Variants in USB1 observed in about 807,000 individuals in gnomAD.
USB1 encodes U6 snRNA phosphodiesterase 1.
USB1 carries 21 observed loss-of-function variants against 29.9 expected under a neutral mutation model. The observed-to-expected ratio is 0.70, with a 90% CI of 0.50 to 1.01. The LOEUF is 1.01. Among genes scored for constraint, USB1 ranks in the 50% least tolerant of loss-of-function variants. The probability of loss-of-function intolerance (pLI) is 0.00; values close to 1 mark genes in which losing one functional copy is unlikely to be tolerated. For missense variants in USB1, 330 were observed against 347.1 expected, an observed-to-expected ratio of 0.95 and a Z score of 0.39; for synonymous variants, 143 against 134.9, an observed-to-expected ratio of 1.06 and a Z score of -0.42.
At chr16:58,004,247 C>G (rs1039149355) in intron 2 of USB1, among the ~76,000 whole-genome samples, 11 of 152,236 alleles carry the variant, frequency 7.2e-5, no homozygotes, top group African/African-American at 2.4e-4. Context: ...TGCCAAAGAT[C>G]GGTTGACTGT....
chr16:58,001,772 C>A (rs533934225), intron 1 of USB1, among the ~76,000 whole-genome samples, 191 bp downstream of exon 1: 1 of 125,890 alleles, frequency 7.9e-6, no homozygotes, highest in South Asian at 2.8e-4. Flanking sequence ...TCCAGAGTGG[C>A]CCCACCTGGC....
At chr16:58,019,492 C>T (rs1217011245) in intron 6 of USB1, among the ~76,000 whole-genome samples, 2 of 152,176 alleles carry the variant, frequency 1.3e-5, no homozygotes, top group African/African-American at 4.8e-5. Context: ...ATCCAGCCCC[C>T]AGAGTCTATC....
rs548416579 is a variant in USB1 at position 58,004,934 on chromosome 16, A to G, written c.265+2289A>G. On this transcript the variant is annotated intron_variant, in intron 2 of 6. Transcript: ENST00000219281. ...GGCTGCGCTGATATTTATTGGATAC[A>G]AGACAAAGGGTCAGGGTAAGGAGTG... Among the ~76,000 whole-genome samples the G allele has an allele frequency of 2.0e-5, 3 of 152,316 alleles. No individual in the cohort carries two copies. The South Asian group carries it at 6.2e-4, about 32-fold the overall frequency.
intron 2 of USB1, among the ~76,000 whole-genome samples, chr16:58,006,514 C>T (rs1272791621): frequency 1.3e-5 from 2 of 152,142 alleles, no homozygotes; most frequent in African/African-American, 2.4e-5. Context: ...CAAAAATTAG[C>T]TGGGCATGGT....
chr16:58,002,371 A>G, intron 1 of USB1, 108 bp from the exon 2 acceptor site: 1 of 1,546,812 alleles, frequency 6.5e-7, no homozygotes, highest in Admixed American at 1.7e-5. Flanking sequence ...GGCTGGAAAC[A>G]CACACTCAGA....
rs1963239851 is a variant in USB1 at position 58,002,395 on chromosome 16, A to G, written c.99-84A>G. The G allele has an allele frequency of 6.9e-6, 11 of 1,592,548 alleles. No homozygotes were observed. The East Asian group carries it at 2.5e-4, about 36-fold the overall frequency. The stretch of plus-strand genomic sequence containing the variant: ...CACACACTCAGAGCCACCATATATA[A>G]GGGGTTACAACTTTTGTGGTATATA... On this transcript the variant is annotated intron_variant, in intron 1 of 6. Transcript: ENST00000219281.
chr16:58,012,867 G>A (rs542058856), intron 3 of USB1: 20 of 987,322 alleles, frequency 2.0e-5, no homozygotes, highest in South Asian at 1.4e-4. Context: ...AACTGGGCAC[G>A]AGTCCCTTGC....
At chr16:58,009,741 TAATAAATA>T (rs112095354) in intron 2 of USB1, among the ~76,000 whole-genome samples, 180 bp from the exon 3 acceptor site, 24 of 149,972 alleles carry the variant, frequency 1.6e-4, no homozygotes, top group Non-Finnish European at 2.4e-4. Context: ...AAAAAAATAA[TAATAAATA>T]AATAAATAAA....
At position 58,001,516 on chromosome 16, in the gene USB1, C is replaced by T. The variant is rs1224193656; in HGVS notation, c.33C>T (p.Ser11=). The stretch of plus-strand genomic sequence containing the variant: ...CGGCGCCCCTGGTGGGCTACAGCAG[C>T]AGCGGCTCCGAGGATGAGTCCGAGG... MSAAPLVGYS[S]SGSEDESEDG... is the part of the protein sequence containing the mutation. Residue 11 remains serine, a synonymous_variant, in exon 1 of 7, where the codon AGC becomes AGT. Coordinates refer to ENST00000219281, the MANE Select transcript of USB1 (RefSeq NM_024598.4). 1 of 1,607,738 alleles carries T rather than the reference C, an allele frequency of 6.2e-7. No homozygotes were observed. The highest frequency in any genetic ancestry group is 8.5e-7 in the Non-Finnish European group (1 of 1,177,692).
Position 58,001,555 on chromosome 16 carries a change from C to G in USB1, c.72C>G (p.Thr24=). ...SEDESEDGMR[T]RPGDGSHRRG... ...ATGAGTCCGAGGACGGGATGCGGAC[C>G]AGGCCGGGGGATGGGAGCCACCGTC... Residue 24 remains threonine, a synonymous_variant, in exon 1 of 7, where the codon ACC becomes ACG. Coordinates refer to ENST00000219281, the MANE Select transcript of USB1 (RefSeq NM_024598.4). 2 of 1,609,312 alleles carry G rather than the reference C, an allele frequency of 1.2e-6. No homozygotes were observed. The highest frequency in any genetic ancestry group is 2.2e-5 in the South Asian group (2 of 90,260).
chr16:58,002,454 T>A, intron 1 of USB1, 25 bp from the exon 2 acceptor site: 2 of 1,613,138 alleles, frequency 1.2e-6, no homozygotes, highest in Non-Finnish European at 8.5e-7. Flanking sequence ...ATAAATGTAC[T>A]CATTTTTCTT....
intron 6 of USB1, 59 bp from the exon 7 acceptor site, chr16:58,020,082 G>A: frequency 6.4e-7 from 1 of 1,561,934 alleles, no homozygotes; most frequent in South Asian, 1.1e-5. Context: ...TGTTTGCAGT[G>A]CCCTGTGGGT....
upstream of USB1, chr16:58,001,373 G>A: frequency 1.6e-6 from 2 of 1,285,702 alleles, no homozygotes; most frequent in East Asian, 2.5e-5. Flanking sequence ...CCGCCCCGAG[G>A]CGGTGCCAGC....
intron 4 of USB1, chr16:58,016,668 G>A (rs1349303799): frequency 6.4e-6 from 1 of 156,366 alleles, no homozygotes; most frequent in African/African-American, 2.4e-5. Flanking sequence ...AGGGTTTCAA[G>A]GAGGGAAGAG....
chr16:58,012,132 C>A lies in USB1; in HGVS notation c.449+2020C>A, dbSNP rs1215052358. 3.5e-6 allele frequency: 5 copies of A among 1,409,506 alleles called. No homozygotes were observed. In the African/African-American group the frequency reaches 7.2e-5, roughly 20 times the overall value. The allele number at this position is 1,409,506 out of a possible 1,614,324, so 87.3% of individuals were successfully genotyped here. The stretch of plus-strand genomic sequence containing the variant: ...AATTCCATAGGATGTCACTGCCCAA[C>A]TAGGAAACTGCTCAGTTAGCTGAAC... On this transcript the variant is annotated intron_variant, in intron 3 of 6. Transcript: ENST00000219281.
At position 58,021,321 on chromosome 16, in the gene USB1, T is replaced by C. The variant is rs1437859082; in HGVS notation, c.*1076T>C. 6.6e-6 allele frequency: 1 copy of C among 152,268 alleles called. No individual in the cohort carries two copies. The highest frequency in any genetic ancestry group is 2.4e-5 in the African/African-American group (1 of 41,470). 9.4% of individuals were successfully genotyped at this position (152,268 alleles called of 1,614,324 possible). On this transcript the variant is annotated 3_prime_UTR_variant, in exon 7 of 7. Coordinates refer to ENST00000219281, the MANE Select transcript of USB1 (RefSeq NM_024598.4). ...CTGGCCAGTGGCTGAAAGCCAGGCC[T>C]CCAATGCACTGTGACCTCTGGCTTC...
At chr16:58,007,325 C>G (rs1963384052) in intron 2 of USB1, among the ~76,000 whole-genome samples, 1 of 152,160 alleles carries the variant, frequency 6.6e-6, no homozygotes, top group Non-Finnish European at 1.5e-5. Context: ...CTCTAGTGAA[C>G]CGAACCCATC....
upstream of USB1, among the ~76,000 whole-genome samples, chr16:58,001,117 G>A (rs1423476708): frequency 6.6e-6 from 1 of 152,156 alleles, no homozygotes; most frequent in Admixed American, 6.5e-5. Flanking sequence ...GTCTCCGCTG[G>A]GTCTAGTGCG....
chr16:58,020,528 TTC>T lies in USB1; in HGVS notation c.*291_*292del, dbSNP rs547883874. On this transcript the variant is annotated 3_prime_UTR_variant, in exon 7 of 7. Transcript: ENST00000219281. ...TCTTCCTCTCCTCTCTCTCTTCCTC[TTC>T]TCTCTCTTCCCCTCCTGTCTCTCCT... 114 of 453,868 alleles carry T rather than the reference TTC, an allele frequency of 2.5e-4. No individual in the cohort carries two copies. The highest frequency in any genetic ancestry group is 6.3e-4 in the Middle Eastern group (1 of 1,594). 28.1% of individuals were successfully genotyped at this position (453,868 alleles called of 1,614,324 possible). A position where few individuals can be genotyped will look rare whatever the true frequency, so the allele number is the denominator to read the frequency against.
Sources: gnomAD v4.1 joint callset for allele counts (sites outside exome capture counted in the v4.1 genomes callset) on GRCh38, gnomAD v4.1.1 for gene constraint, MANE v1.5 for transcripts, NCBI Gene and HGNC (gene_info 2026-07-23, HGNC 2026-07-21) for gene names.